MGAT1: variants seen among roughly 807,000 people sequenced by gnomAD.
The protein encoded by MGAT1 is alpha-1,3-mannosyl-glycoprotein 2-beta-N-acetylglucosaminyltransferase.
A neutral mutation model predicts 31.7 loss-of-function variants in MGAT1; 14 were observed. The ratio of observed to expected loss-of-function variants is 0.44; its 90% CI spans 0.29 to 0.69. The LOEUF (loss-of-function observed/expected upper bound fraction) is 0.69, where lower values mean the gene tolerates loss of function less well. MGAT1 is among the 30% of genes least tolerant of loss of function. The pLI, the probability that MGAT1 is intolerant of heterozygous loss-of-function variation, is 0.12. For missense variants in MGAT1, 557 were observed against 626.0 expected, an observed-to-expected ratio of 0.89 and a Z score of 1.18; for synonymous variants, 338 against 276.0, an observed-to-expected ratio of 1.22 and a Z score of -2.23.
At chr5:180,809,064 T>C (rs930379222) in exon 2 of MGAT1, 1 of 152,190 alleles carries the variant, frequency 6.6e-6, no homozygotes, top group African/African-American at 2.4e-5. Context: ...AGGAGGCAGA[T>C]TTCTGTGTTA....
At chr5:180,802,260 C>T (rs1002667518) in intron 1 of MGAT1, among the ~76,000 whole-genome samples, 6 of 152,194 alleles carry the variant, frequency 3.9e-5, no homozygotes, top group African/African-American at 1.2e-4. Flanking sequence ...TATTTCAACA[C>T]TGAATCAACA....
intron 1 of MGAT1, among the ~76,000 whole-genome samples, chr5:180,795,120 G>C (rs1241353765): frequency 6.6e-6 from 1 of 152,030 alleles, no homozygotes; most frequent in Non-Finnish European, 1.5e-5. Flanking sequence ...TAAAACTGCC[G>C]AAAATAGAAA....
chr5:180,803,660 G>C (rs180891743), upstream of MGAT1: 2 of 152,280 alleles, frequency 1.3e-5, no homozygotes, highest in Non-Finnish European at 2.9e-5. Context: ...GAAGACCAGG[G>C]GCTCCAGCGC....
At chr5:180,800,843 GAAC>G (rs994246498) in intron 1 of MGAT1, among the ~76,000 whole-genome samples, 25 of 152,214 alleles carry the variant, frequency 1.6e-4, no homozygotes, top group African/African-American at 5.5e-4. Context: ...TTTTTAAATA[GAAC>G]AACTGCCCTT....
At chr5:180,797,231 T>C (rs968943786) in intron 1 of MGAT1, among the ~76,000 whole-genome samples, 1 of 152,040 alleles carries the variant, frequency 6.6e-6, no homozygotes, top group Non-Finnish European at 1.5e-5. Context: ...ACCCCATCTC[T>C]ACTAAAATAA....
chr5:180,786,557 A>C lies in MGAT1; in HGVS notation c.*5077T>G. On this transcript the variant is annotated 3_prime_UTR_variant, in exon 2 of 2. Coordinates refer to ENST00000307826, the MANE Select transcript of MGAT1 (RefSeq NM_002406.4). Reference sequence around the variant, plus strand: ...AGGGGTGCCTGTGTGATCCAGTTCTACCCAGGGAATTGTGACCCAGCGCTC... The same window carrying C: ...AGGGGTGCCTGTGTGATCCAGTTCTCCCCAGGGAATTGTGACCCAGCGCTC... The C allele has an allele frequency of 6.6e-6, 1 of 152,128 alleles. No individual in the cohort carries two copies. Among genetic ancestry groups the C allele is most frequent in the East Asian group, 1.9e-4 (1 of 5,192 alleles). The allele number at this position is 152,128 out of a possible 1,614,324, so 9.4% of individuals were successfully genotyped here. A position where few individuals can be genotyped will look rare whatever the true frequency, so the allele number is the denominator to read the frequency against.
chr5:180,797,459 C>T lies in MGAT1; in HGVS notation c.-126-4362G>A, dbSNP rs145349985. The stretch of plus-strand genomic sequence containing the variant: ...GGGGGGGCCCAGAGGGATAGCCCGT[C>T]CCTGACTCATCAATGACCTGCAGGC... On this transcript the variant is annotated intron_variant, in intron 1 of 1. Transcript: ENST00000307826. Among the ~76,000 whole-genome samples the T allele has an allele frequency of 4.0e-3, 602 of 150,984 alleles. 5 individuals are homozygous for T. Among genetic ancestry groups the T allele is most frequent in the African/African-American group, 0.014 (572 of 41,034 alleles).
In MGAT1 at chr5:180,792,773, G is replaced by A. The variant is rs1303763037; in HGVS notation, c.199C>T (p.Arg67Trp). ...LAQDAEVELE[R>W]QRGLLQQIGD... The stretch of plus-strand genomic sequence containing the variant: ...ATCTGCTGCAGCAGCCCACGCTGCC[G>A]CTCCAGCTCCACCTCGGCGTCTTGG... The change falls in exon 2 of 2, where the codon CGG becomes TGG. Residue 67 changes from arginine to tryptophan, a missense_variant. Around this residue, in one of 3 missense-constraint regions of MGAT1, gnomAD observed 167 missense variants for 149.8 expected, o/e 1.11. Coordinates refer to ENST00000307826, the MANE Select transcript of MGAT1 (RefSeq NM_002406.4). The A allele has an allele frequency of 2.6e-5, 41 of 1,548,892 alleles. No homozygotes were observed. The highest frequency in any genetic ancestry group is 3.4e-5 in the Non-Finnish European group (39 of 1,147,002).
intron 1 of MGAT1, among the ~76,000 whole-genome samples, chr5:180,813,417 G>C (rs919206011): frequency 3.3e-5 from 5 of 152,134 alleles, no homozygotes; most frequent in Admixed American, 2.6e-4. Context: ...ACTCTTTATA[G>C]AATATCAGCC....
In MGAT1 at chr5:180,792,537, G is replaced by T; in HGVS notation, c.435C>A (p.His145Gln). The T allele has an allele frequency of 6.2e-7, 1 of 1,612,920 alleles. No homozygotes were observed. Residue 145 changes from histidine to glutamine, a missense_variant, in exon 2 of 2, where the codon CAC (histidine) becomes CAA (glutamine). This residue lies in a region of MGAT1 where 245 missense variants were observed against 332.9 expected (regional missense o/e 0.74). Transcript: ENST00000307826. ...AGGCGATGGCCTGGGCCGTCTCCTCGTGCCCGCAGTCCTGGCTAACGATGA... is the reference window on the plus strand; with the variant it reads ...AGGCGATGGCCTGGGCCGTCTCCTCTTGCCCGCAGTCCTGGCTAACGATGA... The part of the protein sequence containing the change: ...FPIIVSQDCG[H>Q]EETAQAIASY...
intron 1 of MGAT1, chr5:180,810,516 C>T (rs1329593767): frequency 6.6e-6 from 1 of 152,244 alleles, no homozygotes; most frequent in Non-Finnish European, 1.5e-5. Flanking sequence ...GCATGCGTCG[C>T]GGGGGGGTTG....
At chr5:180,812,595 A>C (rs1424608677) in intron 1 of MGAT1, among the ~76,000 whole-genome samples, 1 of 152,086 alleles carries the variant, frequency 6.6e-6, no homozygotes, top group East Asian at 1.9e-4. Context: ...CATACATAAC[A>C]GGTACAAATT....
upstream of MGAT1, among the ~76,000 whole-genome samples, chr5:180,804,494 G>A (rs1771561632): frequency 6.6e-6 from 1 of 152,236 alleles, no homozygotes; most frequent in Non-Finnish European, 1.5e-5. Context: ...GAAGCCCGTG[G>A]CTTCCACTTT....
intron 1 of MGAT1, among the ~76,000 whole-genome samples, chr5:180,812,945 A>G (rs540345449): frequency 4.6e-5 from 7 of 152,350 alleles, no homozygotes; most frequent in African/African-American, 1.7e-4. Flanking sequence ...TATGAAAAAT[A>G]TACTTCTATG....
Position 180,791,644 on chromosome 5 carries a change from C to A in MGAT1, c.1328G>T (p.Ser443Ile). The change falls in exon 2 of 2, where the codon AGC (serine) becomes ATC (isoleucine). Residue 443 changes from serine (S) to isoleucine (I), a missense_variant. Transcript: ENST00000307826. ...PPLTWEGYDP[S>I]WN The stretch of plus-strand genomic sequence containing the variant: ...AAGGACAGGCAGGTGCTAATTCCAG[C>A]TAGGATCATAGCCCTCCCACGTCAG... 6.2e-7 allele frequency: 1 copy of A among 1,613,250 alleles called. No individual in the cohort carries two copies. The highest frequency in any genetic ancestry group is 8.5e-7 in the Non-Finnish European group (1 of 1,179,844).
rs139241836 is a variant in MGAT1 at position 180,791,717 on chromosome 5, T to C, written c.1255A>G (p.Ile419Val). ...CGGCCCCGGAACTGGAAGGTGACAA[T>C]ACCCCGGTAGCCAGCTCTCGGAACC... The part of the protein sequence containing the change: ...SGVPRAGYRG[I>V]VTFQFRGRRV... Residue 419 changes from isoleucine (I) to valine (V), a missense_variant, in exon 2 of 2, where the codon ATT becomes GTT. This residue lies in a region of MGAT1 where 145 missense variants were observed against 143.2 expected (regional missense o/e 1.01). Transcript: ENST00000307826. 4 of 1,613,810 alleles carry C rather than the reference T, an allele frequency of 2.5e-6. No individual in the cohort carries two copies. The African/African-American group carries it at 4.0e-5, about 16-fold the overall frequency.
rs765286002 is a variant in MGAT1, at chr5:180,786,317, G to A, written c.*5317C>T. The A allele has an allele frequency of 2.2e-4, 34 of 152,070 alleles. No individual in the cohort carries two copies. Among genetic ancestry groups the A allele is most frequent in the Non-Finnish European group, 4.3e-4 (29 of 68,066 alleles). The allele number at this position is 152,070 out of a possible 1,614,324, so 9.4% of individuals were successfully genotyped here. ...GTTAGGGGCCCGCAGGTTTCATTCT[G>A]CCCCTCTCCAGGTCAGGGTTCCTAA... On this transcript the variant is annotated 3_prime_UTR_variant, in exon 2 of 2. Transcript: ENST00000307826.
intron 1 of MGAT1, among the ~76,000 whole-genome samples, chr5:180,813,178 G>A (rs625170): frequency 2.6e-5 from 4 of 152,012 alleles, no homozygotes; most frequent in Non-Finnish European, 4.4e-5. Context: ...AAGATACACA[G>A]AAAGATGGCA....
chr5:180,797,549 CT>C (rs1198965096), intron 1 of MGAT1, among the ~76,000 whole-genome samples: 5 of 151,762 alleles, frequency 3.3e-5, no homozygotes, highest in African/African-American at 1.2e-4. Context: ...CCTTTTTACT[CT>C]TCTCCAGACA....
Sources: gnomAD v4.1 joint callset for allele counts (sites outside exome capture counted in the v4.1 genomes callset) on GRCh38, gnomAD v4.1.1 for gene constraint, gnomAD v4.1.1 regional missense constraint, MANE v1.5 for transcripts, NCBI Gene and HGNC (gene_info 2026-07-23, HGNC 2026-07-21) for gene names.